CLASP2: variants seen among roughly 807,000 people sequenced by gnomAD.
CLASP2 encodes cytoplasmic linker associated protein 2.
Under a neutral mutation model 194.4 loss-of-function variants are expected in CLASP2, and 47 were observed. The ratio of observed to expected loss-of-function variants is 0.24; its 90% confidence interval spans 0.19 to 0.31. The LOEUF (loss-of-function observed/expected upper bound fraction) is 0.31. Ranked by LOEUF, CLASP2 falls within the 10% of genes least tolerant of loss-of-function variation. The pLI is 1.00. For missense variants in CLASP2, 1,445 were observed against 1,823.6 expected (o/e 0.79, Z 3.78); for synonymous variants, 619 against 633.5 (o/e 0.98, Z 0.34).
chr3:33,612,095 G>A, intron 12 of CLASP2, 24 bp from the exon 13 acceptor site: 1 of 1,474,758 alleles, frequency 6.8e-7, no homozygotes, highest in African/African-American at 1.4e-5. Context: ...TTTAGAAAAG[G>A]TTGAAAATAC....
chr3:33,712,554 G>C (rs1462248588), intron 1 of CLASP2, among the ~76,000 whole-genome samples: 1 of 152,040 alleles, frequency 6.6e-6, no homozygotes, highest in Non-Finnish European at 1.5e-5. Flanking sequence ...ATGATTAATG[G>C]GTAAGCTTAA....
At chr3:33,615,106 T>C (rs1484032939) in intron 12 of CLASP2, among the ~76,000 whole-genome samples, 3 of 151,216 alleles carry the variant, frequency 2.0e-5, no homozygotes, top group East Asian at 1.9e-4. Context: ...AAAATATATA[T>C]GAAAAGTGAG....
Position 33,582,650 on chromosome 3 carries a change from C to T in CLASP2, c.2240-722G>A, listed in dbSNP as rs1164886594. Among the ~76,000 whole-genome samples, 4 of 152,030 alleles carry T rather than the reference C, an allele frequency of 2.6e-5. No individual in the cohort carries two copies. In the East Asian group the frequency reaches 7.7e-4, roughly 29 times the overall value. Reference sequence around the variant, plus strand: ...TCCAGACTGGGTAACAGAGTAAGACCCTGTCTCTAAAACAAACAAAAACAA... The same window carrying T: ...TCCAGACTGGGTAACAGAGTAAGACTCTGTCTCTAAAACAAACAAAAACAA... On this transcript the variant is annotated intron_variant, in intron 22 of 38. Transcript: ENST00000682230.
intron 14 of CLASP2, among the ~76,000 whole-genome samples, chr3:33,608,028 T>C (rs1280523587): frequency 1.3e-5 from 2 of 152,234 alleles, no homozygotes; most frequent in Non-Finnish European, 2.9e-5. Context: ...AGCTTCAAAC[T>C]TGAAGTTAAT....
At chr3:33,706,361 T>C (rs1453682412) in intron 1 of CLASP2, among the ~76,000 whole-genome samples, 3 of 152,200 alleles carry the variant, frequency 2.0e-5, no homozygotes, top group Non-Finnish European at 2.9e-5. Context: ...GATATCTTCT[T>C]TTAGCAACAA....
chr3:33,586,424 C>T (rs568611305), intron 21 of CLASP2, among the ~76,000 whole-genome samples: 6 of 152,288 alleles, frequency 3.9e-5, no homozygotes, highest in South Asian at 2.1e-4. Context: ...TGAGCCACCA[C>T]GCCTGGCCTC....
chr3:33,607,635 A>G (rs1188988919), intron 14 of CLASP2, among the ~76,000 whole-genome samples, 174 bp from the exon 15 acceptor site: 1 of 152,224 alleles, frequency 6.6e-6, no homozygotes, highest in East Asian at 1.9e-4. Flanking sequence ...TATCTGCCCC[A>G]TATGTTTTAT....
At chr3:33,533,127 A>G (rs1403965839) in intron 34 of CLASP2, among the ~76,000 whole-genome samples, 1 of 152,220 alleles carries the variant, frequency 6.6e-6, no homozygotes. Flanking sequence ...AATGATTTTT[A>G]AATAATTAAT....
chr3:33,639,020 A>G (rs2080769965), intron 8 of CLASP2, among the ~76,000 whole-genome samples: 1 of 152,188 alleles, frequency 6.6e-6, no homozygotes, highest in Non-Finnish European at 1.5e-5. Flanking sequence ...GGCAGGTACT[A>G]TATCTTTTTG....
intron 25 of CLASP2, 82 bp from the exon 26 acceptor site, chr3:33,570,872 TAAAA>T (rs67476972): frequency 1.4e-4 from 115 of 793,896 alleles, no homozygotes; most frequent in South Asian, 1.8e-4. Flanking sequence ...TAATTTTCTT[TAAAA>T]AAAAAAAAAA....
intron 1 of CLASP2, among the ~76,000 whole-genome samples, chr3:33,699,734 C>T (rs2092234044): frequency 6.6e-6 from 1 of 151,596 alleles, no homozygotes; most frequent in Admixed American, 6.6e-5. Flanking sequence ...AGTATAATAA[C>T]CATAACAATA....
At chr3:33,592,786 C>A in intron 20 of CLASP2, 1 of 370,564 alleles carries the variant, frequency 2.7e-6, no homozygotes, top group South Asian at 2.6e-5. Flanking sequence ...ATAAGCATGT[C>A]ACTTGTTTCT....
chr3:33,709,413 T>C (rs1308938691), intron 1 of CLASP2, among the ~76,000 whole-genome samples: 1 of 152,156 alleles, frequency 6.6e-6, no homozygotes, highest in Non-Finnish European at 1.5e-5. Context: ...TTGTCAAAAA[T>C]TAGTTGACTA....
At chr3:33,600,991 C>T (rs1272075149) in intron 18 of CLASP2, among the ~76,000 whole-genome samples, 1 of 126,420 alleles carries the variant, frequency 7.9e-6, no homozygotes, top group African/African-American at 3.1e-5. Context: ...CGGAGTCTTG[C>T]TCCGTCCCTC....
chr3:33,519,481 T>G (rs1047368442), intron 34 of CLASP2, among the ~76,000 whole-genome samples: 1 of 152,016 alleles, frequency 6.6e-6, no homozygotes, highest in Non-Finnish European at 1.5e-5. Flanking sequence ...AATTTTAGAT[T>G]TTAAAAACAA....
At chr3:33,711,035 G>A (rs1252959125) in intron 1 of CLASP2, among the ~76,000 whole-genome samples, 6 of 152,206 alleles carry the variant, frequency 3.9e-5, no homozygotes, top group Admixed American at 3.3e-4. Flanking sequence ...GTAGGACCAA[G>A]GGGAGAGGAA....
chr3:33,518,605 C>G (rs2052107333), intron 34 of CLASP2, among the ~76,000 whole-genome samples: 1 of 152,196 alleles, frequency 6.6e-6, no homozygotes, highest in Non-Finnish European at 1.5e-5. Context: ...CAAAAAATCA[C>G]TCCCGGAAAT....
chr3:33,552,005 C>T (rs980977621), intron 29 of CLASP2, among the ~76,000 whole-genome samples: 1 of 150,708 alleles, frequency 6.6e-6, no homozygotes, highest in Non-Finnish European at 1.5e-5. Context: ...AATGAGTCCA[C>T]CAGTTGTTAG....
intron 34 of CLASP2, among the ~76,000 whole-genome samples, chr3:33,525,595 C>A (rs984551597): frequency 7.2e-5 from 11 of 152,176 alleles, no homozygotes; most frequent in Non-Finnish European, 1.0e-4. Context: ...ATCTCTGCAA[C>A]CCTCAGGTCA....
Sources: allele counts gnomAD v4.1 joint callset (sites outside exome capture counted in the v4.1 genomes callset), GRCh38; gene constraint gnomAD v4.1.1; transcripts MANE v1.5; gene names NCBI Gene and HGNC (gene_info 2026-07-23, HGNC 2026-07-21).